ANXA4: variants seen among roughly 807,000 people sequenced by gnomAD.
ANXA4 encodes the protein annexin A4, also known as 35-beta calcimedin.
In ANXA4, 39 loss-of-function variants were observed where a neutral mutation model predicts 49.8. The ratio of observed to expected loss-of-function variants is 0.78; its 90% CI spans 0.61 to 1.02. The LOEUF (loss-of-function observed/expected upper bound fraction) is 1.02. Ranked by LOEUF, ANXA4 falls within the 50% of genes least tolerant of loss-of-function variation. The pLI, the probability that ANXA4 is intolerant of heterozygous loss-of-function variation, is 0.00. For synonymous variants in ANXA4, 134 were observed against 152.5 expected (o/e 0.88, Z 0.89); for missense variants, 360 against 410.1 (o/e 0.88, Z 1.05).
intron 3 of ANXA4, among the ~76,000 whole-genome samples, chr2:69,731,013 G>T (rs555646457): frequency 1.3e-5 from 2 of 149,342 alleles, no homozygotes; most frequent in Admixed American, 6.6e-5. Context: ...CTGGCCCTGA[G>T]GAGTGCTGGC....
At chr2:69,683,743 C>G (rs1389193141) in intron 2 of ANXA4, among the ~76,000 whole-genome samples, 1 of 152,170 alleles carries the variant, frequency 6.6e-6, no homozygotes, top group African/African-American at 2.4e-5. Context: ...ATGTACTACT[C>G]TGTTCTCTTG....
intron 2 of ANXA4, among the ~76,000 whole-genome samples, chr2:69,673,459 C>T (rs1423871351): frequency 7.7e-6 from 1 of 130,414 alleles, no homozygotes; most frequent in Non-Finnish European, 1.5e-5. Flanking sequence ...ACAATGAGAA[C>T]ACATGGACAC....
chr2:69,678,387 TTC>T (rs1436949563), intron 2 of ANXA4, among the ~76,000 whole-genome samples: 1 of 148,876 alleles, frequency 6.7e-6, no homozygotes, highest in Admixed American at 6.7e-5. Flanking sequence ...TTCTTTTCTT[TTC>T]TTTTTTTTTT....
chr2:69,661,884 C>T (rs1237937324), intron 2 of ANXA4, among the ~76,000 whole-genome samples: 7 of 152,100 alleles, frequency 4.6e-5, no homozygotes, highest in East Asian at 1.9e-4. Flanking sequence ...CCCTCTTCCA[C>T]GAGGGTGGAT....
At chr2:69,704,514 C>T (rs553547715) in intron 2 of ANXA4, among the ~76,000 whole-genome samples, 14 of 152,248 alleles carry the variant, frequency 9.2e-5, no homozygotes, top group Admixed American at 3.3e-4. Flanking sequence ...CCTCGATAGA[C>T]GAGAGTGGCT....
chr2:69,820,246 T>C lies in ANXA4; in HGVS notation c.784-453T>C, dbSNP rs992458839. 2.6e-5 allele frequency among the ~76,000 whole-genome samples: 4 copies of C among 151,760 alleles called. No individual in the cohort carries two copies. In the East Asian group the frequency reaches 7.7e-4, roughly 29 times the overall value. On this transcript the variant is annotated intron_variant, in intron 11 of 12. Coordinates refer to ENST00000394295, the MANE Select transcript of ANXA4 (RefSeq NM_001153.5). ...AACACAGAGGAAAGGGTTTTTTTTT[T>C]TTTCAATATTTGTTTTTTGAGGTGG...
intron 2 of ANXA4, among the ~76,000 whole-genome samples, chr2:69,663,293 CTTTTTTT>C (rs55970370): frequency 7.0e-5 from 3 of 42,836 alleles, no homozygotes; most frequent in African/African-American, 9.2e-5. Context: ...TGCACCCGGC[CTTTTTTT>C]TTTTTTTTTT....
chr2:69,811,374 AC>A (rs1673698736), intron 7 of ANXA4: 1 of 152,652 alleles, frequency 6.6e-6, no homozygotes, highest in Admixed American at 6.5e-5. Flanking sequence ...GAGTGATGTG[AC>A]TGGAGCTGCA....
chr2:69,808,684 C>T (rs1673560473), intron 6 of ANXA4: 1 of 151,388 alleles, frequency 6.6e-6, no homozygotes, highest in Non-Finnish European at 1.5e-5. Flanking sequence ...TTTTTTGAGA[C>T]AGGGTCTCAC....
chr2:69,645,748 A>T (rs752448427), intron 1 of ANXA4, among the ~76,000 whole-genome samples: 43 of 152,194 alleles, frequency 2.8e-4, no homozygotes, highest in South Asian at 2.1e-4. Flanking sequence ...AAAAAACATG[A>T]CTAGATTCCT....
upstream of ANXA4, among the ~76,000 whole-genome samples, chr2:69,740,610 A>G (rs958549764): frequency 6.8e-6 from 1 of 147,146 alleles, no homozygotes; most frequent in Non-Finnish European, 1.5e-5. Context: ...GTGGCTATGC[A>G]CCCGGCTAAT....
rs560204152 is a variant in ANXA4, at chr2:69,751,005, A to T, written c.-47+8830A>T. ...AGCTAATGTTCACCAAGTGTCTTCT[A>T]TGATCCTGACCCTGTGCCAGACATC... On this transcript the variant is annotated intron_variant, in intron 1 of 12. Transcript: ENST00000394295. 1.1e-4 allele frequency among the ~76,000 whole-genome samples: 16 copies of T among 152,308 alleles called. No individual in the cohort carries two copies. The South Asian group carries it at 3.3e-3, about 32-fold the overall frequency.
intron 2 of ANXA4, among the ~76,000 whole-genome samples, chr2:69,688,088 C>A (rs1677852032): frequency 6.6e-6 from 1 of 152,182 alleles, no homozygotes; most frequent in Non-Finnish European, 1.5e-5. Context: ...GATGTAGGGT[C>A]CACACATCGC....
chr2:69,704,899 A>T (rs2105395608), intron 2 of ANXA4, among the ~76,000 whole-genome samples: 1 of 152,296 alleles, frequency 6.6e-6, no homozygotes, highest in East Asian at 1.9e-4. Flanking sequence ...CATTTAAATT[A>T]ATAAATCCTC....
intron 1 of ANXA4, among the ~76,000 whole-genome samples, chr2:69,767,673 A>G (rs2105545848): frequency 6.6e-6 from 1 of 152,284 alleles, no homozygotes; most frequent in East Asian, 1.9e-4. Context: ...TGTACTAAAC[A>G]TGTTTGACCG....
intron 1 of ANXA4, among the ~76,000 whole-genome samples, chr2:69,749,518 G>A (rs1670752005): frequency 6.6e-6 from 1 of 152,174 alleles, no homozygotes; most frequent in African/African-American, 2.4e-5. Context: ...CATCTATGCA[G>A]AGTAATACTA....
intron 2 of ANXA4, among the ~76,000 whole-genome samples, chr2:69,665,259 C>A (rs1047849817): frequency 3.3e-5 from 5 of 152,204 alleles, no homozygotes; most frequent in African/African-American, 1.2e-4. Context: ...CGTGAACAGA[C>A]CACGTTAAAA....
At chr2:69,717,048 G>T (rs1226051739) in intron 2 of ANXA4, among the ~76,000 whole-genome samples, 3 of 152,160 alleles carry the variant, frequency 2.0e-5, no homozygotes, top group African/African-American at 7.2e-5. Context: ...GGAAGTGCAG[G>T]GGAGACCGTA....
At chr2:69,784,610 T>A (rs1380929831) in intron 2 of ANXA4, among the ~76,000 whole-genome samples, 1 of 152,224 alleles carries the variant, frequency 6.6e-6, no homozygotes, top group Non-Finnish European at 1.5e-5. Context: ...AAATAAAGTA[T>A]TTGCAAAAGT....
Sources: gnomAD v4.1 joint callset for allele counts (sites outside exome capture counted in the v4.1 genomes callset) on GRCh38, gnomAD v4.1.1 for gene constraint, MANE v1.5 for transcripts, NCBI Gene and HGNC (gene_info 2026-07-23, HGNC 2026-07-21) for gene names.